HPD: variants seen among roughly 807,000 people sequenced by gnomAD.
HPD encodes 4-hydroxyphenylpyruvic acid oxidase.
In HPD, 35 loss-of-function variants were observed where a neutral mutation model predicts 56.9. That is an observed-to-expected ratio of 0.62 (90% CI 0.47 to 0.82). HPD has a LOEUF of 0.82. Ranked by LOEUF, HPD falls within the 40% of genes least tolerant of loss-of-function variation. The pLI, the probability that HPD is intolerant of heterozygous loss-of-function variation, is 0.00. For missense variants in HPD, 442 were observed against 506.8 expected (o/e 0.87, Z 1.23); for synonymous variants, 186 against 200.2 (o/e 0.93, Z 0.60).
the HPD span, among the ~76,000 whole-genome samples, chr12:121,870,231 T>C: frequency 6.6e-6 from 1 of 152,172 alleles, no homozygotes; most frequent in African/African-American, 2.4e-5. Flanking sequence ...TCTGGTCACT[T>C]TGTTTTATGT....
the HPD span, among the ~76,000 whole-genome samples, chr12:121,876,812 G>A: frequency 1.3e-5 from 2 of 152,062 alleles, no homozygotes; most frequent in African/African-American, 2.4e-5. Context: ...GGCAGGGCGC[G>A]GTGGCTCATG....
At chr12:121,865,780 A>G (rs1878310987), upstream of HPD, among the ~76,000 whole-genome samples, 1 of 150,590 alleles carries the variant, frequency 6.6e-6, no homozygotes, top group South Asian at 2.1e-4. Context: ...ACCTGAGGTC[A>G]GGAGTTCAAG....
chr12:121,846,832 A>G (rs1365228118), intron 11 of HPD, 30 bp downstream of exon 11: 2 of 1,606,980 alleles, frequency 1.2e-6, no homozygotes, highest in East Asian at 2.2e-5. Context: ...TGAATGAGAG[A>G]GGAATTCGGA....
the HPD span, among the ~76,000 whole-genome samples, chr12:121,879,311 TA>T: frequency 2.7e-5 from 4 of 150,138 alleles, no homozygotes; most frequent in Non-Finnish European, 5.9e-5. Context: ...AAAAAATAAC[TA>T]ATACAACTTG....
At chr12:121,848,846 T>A (rs1252607919) in intron 9 of HPD, among the ~76,000 whole-genome samples, 153 bp downstream of exon 9, 1 of 152,132 alleles carries the variant, frequency 6.6e-6, no homozygotes, top group Non-Finnish European at 1.5e-5. Flanking sequence ...CCTCAAGTGA[T>A]CCTCCCACCT....
chr12:121,858,878 C>T (rs3741591), upstream of HPD: 635,810 of 1,609,434 alleles, frequency 0.4, 131,051 homozygotes, highest in East Asian at 0.57. Context: ...AGTGCTGGGC[C>T]GGAGTATTTA....
At chr12:121,849,106 G>A in intron 8 of HPD, 30 bp from the exon 9 acceptor site, 1 of 1,470,296 alleles carries the variant, frequency 6.8e-7, no homozygotes, top group Middle Eastern at 1.7e-4. Flanking sequence ...GGGGTGAGAA[G>A]GTGGCTACCC....
chr12:121,861,651 T>G (rs1878177093), upstream of HPD, among the ~76,000 whole-genome samples: 1 of 152,098 alleles, frequency 6.6e-6, no homozygotes, highest in South Asian at 2.1e-4. Flanking sequence ...ACTTTCAGGG[T>G]TTTAAAAAGC....
At chr12:121,848,945 G>T (rs1177186475) in intron 9 of HPD, 54 bp downstream of exon 9, 1 of 1,313,030 alleles carries the variant, frequency 7.6e-7, no homozygotes, top group South Asian at 1.2e-5. Context: ...GAGTGGGCCA[G>T]TCCACCGTGA....
the HPD span, among the ~76,000 whole-genome samples, chr12:121,884,640 T>C: frequency 2.0e-5 from 3 of 152,232 alleles, no homozygotes; most frequent in Non-Finnish European, 1.5e-5. Context: ...ATGTTAGAAA[T>C]GTTAGTTTAT....
chr12:121,852,002 C>T lies in HPD; in HGVS notation c.415-2212G>A, dbSNP rs1566571928. 7.6e-4 allele frequency among the ~76,000 whole-genome samples: 3 copies of T among 3,946 alleles called. 1 individual carries two copies. The highest frequency in any genetic ancestry group is 2.7e-3 in the Admixed American group (2 of 750). The allele number at this position is 3,946 out of a possible 152,430, so 2.6% of individuals were successfully genotyped here. ...CCTCCCAAAGTGCTGGGATTACAGG[C>T]GTGAGCCACCGCGCCCGGCCTATTC... is the stretch of plus-strand genomic sequence containing the variant. On this transcript the variant is annotated intron_variant, in intron 7 of 13. Coordinates refer to ENST00000289004, the MANE Select transcript of HPD (RefSeq NM_002150.3).
the HPD span, among the ~76,000 whole-genome samples, chr12:121,883,180 T>TTGTGTGTGTGTGTGTG: frequency 8.7e-6 from 1 of 115,458 alleles, no homozygotes; most frequent in South Asian, 3.2e-4. Context: ...GGAGCATAAG[T>TTGTGTGTGTGTGTGTG]TGTGTGTGTG....
chr12:121,839,756 T>C lies in HPD; in HGVS notation c.1154A>G (p.Glu385Gly). Residue 385 changes from glutamate to glycine, a missense_variant, in exon 14 of 14, where the codon GAG (glutamate) becomes GGG (glycine). Glu to Gly is a moderately conservative substitution (Grantham distance 98, BLOSUM62 -2). Coordinates refer to ENST00000289004, the MANE Select transcript of HPD (RefSeq NM_002150.3). ...CATGCCGGGCACCACCCCATTGGTC[T>C]CCATGTTGGTGAGGTTACCCCGCAG... ...QNLRGNLTNM[E>G]TNGVVPGM 6.2e-7 allele frequency: 1 copy of C among 1,614,014 alleles called. No homozygotes were observed. Among genetic ancestry groups the C allele is most frequent in the Non-Finnish European group, 8.5e-7 (1 of 1,179,852 alleles).
upstream of HPD, among the ~76,000 whole-genome samples, chr12:121,862,698 CTTTTTTTTTTTT>C (rs34868560): frequency 1.8e-5 from 1 of 54,988 alleles, no homozygotes; most frequent in Non-Finnish European, 3.1e-5. Context: ...TCAATGCAAG[CTTTTTTTTTTTT>C]TTTTTTTTTT....
At chr12:121,861,600 G>GA (rs565688478), upstream of HPD, among the ~76,000 whole-genome samples, 580 of 152,118 alleles carry the variant, frequency 3.8e-3, 5 homozygotes, top group African/African-American at 0.013. Flanking sequence ...ACAGCTTCTG[G>GA]AAAAAAACAT....
Position 121,854,745 on chromosome 12 carries a change from C to A in HPD, c.372G>T (p.Glu124Asp), listed in dbSNP as rs1205549230. Residue 124 changes from glutamate to aspartate, a missense_variant, in exon 7 of 14, where the codon GAG becomes GAT. Physicochemically the swap from Glu to Asp is conservative, Grantham distance 45 (BLOSUM62 2). Transcript: ENST00000289004. ...ACTTCACCTTCCCAAACTTGTCTTG[C>A]TCTACCCAGGGCTCCCGCATGATTT... ...GAKIMREPWV[E>D]QDKFGKVKFA... The A allele has an allele frequency of 2.5e-6, 4 of 1,614,050 alleles. No individual in the cohort carries two copies. The African/African-American group carries it at 5.3e-5, about 22-fold the overall frequency.
At chr12:121,886,967 T>A in the HPD span, among the ~76,000 whole-genome samples, 2 of 152,180 alleles carry the variant, frequency 1.3e-5, no homozygotes, top group Non-Finnish European at 2.9e-5. Flanking sequence ...TGACATGATC[T>A]CAGCTCATTG....
At position 121,847,215 on chromosome 12, in the gene HPD, C is replaced by G; in HGVS notation, c.597-1G>C. 6.2e-7 allele frequency: 1 copy of G among 1,614,124 alleles called. No individual in the cohort carries two copies. Among genetic ancestry groups the G allele is most frequent in the Non-Finnish European group, 8.5e-7 (1 of 1,180,010 alleles). On this transcript the variant is annotated splice_acceptor_variant, in intron 9 of 13. Coordinates refer to ENST00000289004, the MANE Select transcript of HPD (RefSeq NM_002150.3). LOFTEE classifies it high-confidence loss of function. The stretch of plus-strand genomic sequence containing the variant: ...GTGGAACTGCAGGTTTTTCAGGTAC[C>G]TGTAGGGTGGGCGGTGGAACACATA...
upstream of HPD, chr12:121,863,418 C>T (rs982485192): frequency 6.6e-6 from 1 of 152,242 alleles, no homozygotes; most frequent in Non-Finnish European, 1.5e-5. Flanking sequence ...AACTCCCCAC[C>T]AAATGTTTCA....
Sources: gnomAD v4.1 joint callset for allele counts (sites outside exome capture counted in the v4.1 genomes callset) on GRCh38, gnomAD v4.1.1 for gene constraint, MANE v1.5 for transcripts, NCBI Gene and HGNC (gene_info 2026-07-23, HGNC 2026-07-21) for gene names.